Variants in MTFMT observed in about 807,000 individuals in gnomAD.
MTFMT encodes the protein mitochondrial methionyl-tRNA formyltransferase.
MTFMT carries 47 observed loss-of-function variants against 51.8 expected under a neutral mutation model. The observed-to-expected ratio is 0.91, with a 90% confidence interval of 0.72 to 1.16. The LOEUF (loss-of-function observed/expected upper bound fraction) is 1.16, where lower values mean the gene tolerates loss of function less well. MTFMT is among the 50% of genes most tolerant of loss of function. The pLI is 0.00. For synonymous variants in MTFMT, 196 were observed against 176.7 expected (o/e 1.11, Z -0.87); for missense variants, 512 against 482.3 (o/e 1.06, Z -0.58).
At chr15:65,011,897 T>G (rs2086270811) in intron 6 of MTFMT, among the ~76,000 whole-genome samples, 2 of 152,116 alleles carry the variant, frequency 1.3e-5, no homozygotes, top group South Asian at 4.1e-4. Flanking sequence ...TGCTTATGCT[T>G]CATGGCATCA....
chr15:65,020,183 C>T lies in MTFMT; in HGVS notation c.721+14G>A. The T allele has an allele frequency of 6.2e-7, 1 of 1,607,574 alleles. No individual in the cohort carries two copies. Among genetic ancestry groups the T allele is most frequent in the Non-Finnish European group, 8.5e-7 (1 of 1,177,180 alleles). On this transcript the variant is annotated intron_variant, in intron 5 of 8. Coordinates refer to ENST00000220058, the MANE Select transcript of MTFMT (RefSeq NM_139242.4). Reference sequence around the variant, plus strand: ...ACCTTTAGAAAGATGAGAGTCTCTGCAGCCTTCACTCACCGTAAGTCGCCC... The same window carrying T: ...ACCTTTAGAAAGATGAGAGTCTCTGTAGCCTTCACTCACCGTAAGTCGCCC...
At chr15:65,015,255 T>C (rs966808466) in intron 6 of MTFMT, among the ~76,000 whole-genome samples, 2 of 152,122 alleles carry the variant, frequency 1.3e-5, no homozygotes, top group African/African-American at 4.8e-5. Context: ...ATGGTCCTTG[T>C]TTCCTGATGC....
chr15:65,024,556 C>T (rs2140488720), intron 2 of MTFMT, among the ~76,000 whole-genome samples: 1 of 151,188 alleles, frequency 6.6e-6, no homozygotes. Flanking sequence ...CGCTCTGTTG[C>T]CCAGGCTGGA....
At chr15:65,004,786 A>G in intron 8 of MTFMT, 68 bp downstream of exon 8, 2 of 1,059,308 alleles carry the variant, frequency 1.9e-6, no homozygotes, top group South Asian at 1.7e-5. Flanking sequence ...CCAACTAAAA[A>G]TAATAAATGA....
At position 65,003,845 on chromosome 15, in the gene MTFMT, CA is replaced by C. The variant is rs768884218; in HGVS notation, c.976-590del. On this transcript the variant is annotated intron_variant, in intron 8 of 8. Coordinates refer to ENST00000220058, the MANE Select transcript of MTFMT (RefSeq NM_139242.4). ...CACTCCAGCCTGGGCAACTCCATCT[CA>C]AAAAAAAAAAAAAAAAAAAAGGGAA... 2.0e-3 allele frequency among the ~76,000 whole-genome samples: 80 copies of C among 40,642 alleles called. No individual in the cohort carries two copies. In the South Asian group the frequency reaches 0.047, roughly 24 times the overall value. 26.7% of individuals were successfully genotyped at this position (40,642 alleles called of 152,430 possible). A position where few individuals can be genotyped will look rare whatever the true frequency, so the allele number is the denominator to read the frequency against.
intron 3 of MTFMT, among the ~76,000 whole-genome samples, chr15:65,021,823 AT>A (rs2086376186): frequency 6.6e-6 from 1 of 152,212 alleles, no homozygotes; most frequent in African/African-American, 2.4e-5. Flanking sequence ...CTTAAAAAAA[AT>A]AAATAAAGAT....
Position 65,026,882 on chromosome 15 carries a change from A to G in MTFMT, c.368T>C (p.Val123Ala), listed in dbSNP as rs750310807. The G allele has an allele frequency of 1.3e-5, 21 of 1,614,012 alleles. No homozygotes were observed. The highest frequency in any genetic ancestry group is 1.6e-5 in the Non-Finnish European group (19 of 1,179,888). Residue 123 changes from valine to alanine, a missense_variant, in exon 2 of 9, where the codon GTG becomes GCG. Val to Ala is a moderately conservative substitution (Grantham distance 64). Coordinates refer to ENST00000220058, the MANE Select transcript of MTFMT (RefSeq NM_139242.4). ...ATTCAAAAGTCGGCCAAACGAAGCC[A>G]CTACTCCAACATCATATTCTCCAGA... Reference protein sequence around the residue: ...VGSGEYDVGVVASFGRLLNEA... With the variant: ...VGSGEYDVGVAASFGRLLNEA...
chr15:65,023,557 C>A, intron 3 of MTFMT, 115 bp downstream of exon 3: 1 of 906,126 alleles, frequency 1.1e-6, no homozygotes, highest in Non-Finnish European at 1.7e-6. Context: ...GCAGAAGAAG[C>A]ACTCTGGAGT....
At chr15:65,017,573 G>A (rs984765711) in intron 5 of MTFMT, among the ~76,000 whole-genome samples, 6 of 152,170 alleles carry the variant, frequency 3.9e-5, no homozygotes, top group African/African-American at 1.4e-4. Context: ...CAAGGCAGGA[G>A]GACGGCTTGA....
chr15:65,022,030 A>G (rs182092014), intron 3 of MTFMT, among the ~76,000 whole-genome samples: 2 of 152,362 alleles, frequency 1.3e-5, no homozygotes, highest in East Asian at 3.9e-4. Context: ...ATAGCATGAA[A>G]AAATCTCTAT....
In MTFMT at chr15:65,002,833, T is replaced by C. The variant is rs1035329807; in HGVS notation, c.*229A>G. 12 of 267,550 alleles carry C rather than the reference T, an allele frequency of 4.5e-5. No individual in the cohort carries two copies. The highest frequency in any genetic ancestry group is 2.7e-4 in the African/African-American group (12 of 44,488). 16.6% of individuals were successfully genotyped at this position (267,550 alleles called of 1,614,324 possible). ...CAAAAATTAGCTGCGTGTGGTGGCG[T>C]GTGCCTGTAATCCCAGCTACTCAGG... On this transcript the variant is annotated 3_prime_UTR_variant, in exon 9 of 9. Transcript: ENST00000220058.
intron 6 of MTFMT, among the ~76,000 whole-genome samples, chr15:65,012,416 G>C (rs1188803993): frequency 6.6e-6 from 1 of 151,794 alleles, no homozygotes; most frequent in Non-Finnish European, 1.5e-5. Flanking sequence ...AAAAATTTGA[G>C]ACAGAGTCTC....
intron 6 of MTFMT, among the ~76,000 whole-genome samples, chr15:65,015,492 A>G (rs1011270623): frequency 4.6e-5 from 7 of 152,162 alleles, no homozygotes; most frequent in African/African-American, 9.7e-5. Flanking sequence ...TAGATATCCA[A>G]TGGTGGTTCC....
At chr15:65,023,361 A>G (rs923986072) in intron 3 of MTFMT, among the ~76,000 whole-genome samples, 9 of 152,226 alleles carry the variant, frequency 5.9e-5, no homozygotes, top group African/African-American at 2.2e-4. Context: ...GATTCAAAAC[A>G]ATTAACATAC....
intron 5 of MTFMT, among the ~76,000 whole-genome samples, chr15:65,017,668 T>G (rs1437771862): frequency 6.6e-6 from 1 of 152,112 alleles, no homozygotes; most frequent in Admixed American, 6.5e-5. Context: ...CATGGTGGAA[T>G]GTACCTGTAG....
chr15:65,006,066 C>T (rs1595887836), intron 7 of MTFMT, 47 bp downstream of exon 7: 1 of 1,332,802 alleles, frequency 7.5e-7, no homozygotes, highest in Admixed American at 1.8e-5. Flanking sequence ...TTTCCAGATA[C>T]ACTACAGTGA....
chr15:65,029,405 C>G lies in MTFMT; in HGVS notation c.209G>C (p.Arg70Thr). Reference sequence around the variant, plus strand: ...GTCCCCGGATCCCTGGCCCGGGTACCTGGCGGCGTGCAGCGCCCGCAGCGC... The same window carrying G: ...GTCCCCGGATCCCTGGCCCGGGTACGTGGCGGCGTGCAGCGCCCGCAGCGC... ...REALRALHAA[R>T]ENKEEELIDK... The change falls in exon 1 of 9, where the codon AGG (arginine) becomes ACG (threonine). Residue 70 changes from arginine (R) to threonine (T), a missense_variant and splice_region_variant. By Grantham distance (71) the Arg-to-Thr change is moderately conservative. Coordinates refer to ENST00000220058, the MANE Select transcript of MTFMT (RefSeq NM_139242.4). 1.3e-6 allele frequency: 2 copies of G among 1,491,868 alleles called. No homozygotes were observed. The highest frequency in any genetic ancestry group is 1.8e-6 in the Non-Finnish European group (2 of 1,122,206). The allele number at this position is 1,491,868 out of a possible 1,614,324, so 92.4% of individuals were successfully genotyped here.
intron 6 of MTFMT, among the ~76,000 whole-genome samples, chr15:65,007,987 C>T (rs2086233031): frequency 1.3e-5 from 2 of 152,036 alleles, no homozygotes; most frequent in South Asian, 4.1e-4. Context: ...TCGTATCATA[C>T]TTAAAAAGGC....
At chr15:65,008,566 G>T (rs998970884) in intron 6 of MTFMT, among the ~76,000 whole-genome samples, 2 of 152,176 alleles carry the variant, frequency 1.3e-5, no homozygotes, top group Admixed American at 1.3e-4. Context: ...GCCAGGACTG[G>T]CTTCTGTTTT....
Sources: gnomAD v4.1 joint callset for allele counts (sites outside exome capture counted in the v4.1 genomes callset) on GRCh38, gnomAD v4.1.1 for gene constraint, MANE v1.5 for transcripts, NCBI Gene and HGNC (gene_info 2026-07-23, HGNC 2026-07-21) for gene names.